DTNA: variants seen among roughly 807,000 people sequenced by gnomAD.
The protein encoded by DTNA is dystrophin-related protein 3.
Under a neutral mutation model 100.7 loss-of-function variants are expected in DTNA, and 43 were observed. The observed-to-expected ratio is 0.43, with a 90% CI of 0.33 to 0.55. The LOEUF is 0.55. DTNA is among the 20% of genes least tolerant of loss of function. The pLI, the probability that DTNA is intolerant of heterozygous loss-of-function variation, is 0.04. For synonymous variants in DTNA, 349 were observed against 347.9 expected, an observed-to-expected ratio of 1.00 and a Z score of -0.04; for missense variants, 798 against 953.9, an observed-to-expected ratio of 0.84 and a Z score of 2.15.
intron 1 of DTNA, among the ~76,000 whole-genome samples, chr18:34,553,083 GATGGT>G (rs1394741660): frequency 5.3e-5 from 8 of 150,762 alleles, no homozygotes; most frequent in Admixed American, 2.0e-4. Flanking sequence ...ACTGGTGTGA[GATGGT>G]ATCTCATTGT....
At chr18:34,764,714 A>G (rs1309460379) in intron 2 of DTNA, among the ~76,000 whole-genome samples, 1 of 152,246 alleles carries the variant, frequency 6.6e-6, no homozygotes, top group Non-Finnish European at 1.5e-5. Context: ...CTGGGAAAGC[A>G]CTTAATTGGC....
intron 17 of DTNA, chr18:34,868,006 A>C: frequency 1.0e-6 from 1 of 985,390 alleles, no homozygotes; most frequent in Non-Finnish European, 1.2e-6. Flanking sequence ...GCCTCTTTTC[A>C]AAAAGGACCT....
At chr18:34,590,572 C>T (rs2049610942) in intron 1 of DTNA, among the ~76,000 whole-genome samples, 2 of 152,144 alleles carry the variant, frequency 1.3e-5, no homozygotes, top group South Asian at 4.1e-4. Flanking sequence ...CTTGGTCACC[C>T]CTGCAAGGAG....
intron 1 of DTNA, among the ~76,000 whole-genome samples, chr18:34,643,447 C>A (rs1368184665): frequency 1.3e-5 from 2 of 152,212 alleles, no homozygotes; most frequent in Non-Finnish European, 2.9e-5. Context: ...GGCTTAAACA[C>A]AATATGACAA....
At chr18:34,521,007 G>A (rs999588250) in intron 1 of DTNA, among the ~76,000 whole-genome samples, 1 of 152,182 alleles carries the variant, frequency 6.6e-6, no homozygotes, top group Non-Finnish European at 1.5e-5. Flanking sequence ...ATCACTTATT[G>A]AGCATTCACT....
intron 9 of DTNA, among the ~76,000 whole-genome samples, chr18:34,826,696 T>A (rs2095866077): frequency 6.6e-6 from 1 of 152,160 alleles, no homozygotes; most frequent in South Asian, 2.1e-4. Flanking sequence ...CAGAAAATGC[T>A]CCACCTCATT....
At chr18:34,721,074 G>T (rs2085209786) in intron 1 of DTNA, among the ~76,000 whole-genome samples, 1 of 152,154 alleles carries the variant, frequency 6.6e-6, no homozygotes, top group African/African-American at 2.4e-5. Context: ...GGAGGTTGAT[G>T]ACACCATCAA....
At chr18:34,564,289 C>T (rs180929930) in intron 1 of DTNA, among the ~76,000 whole-genome samples, 6 of 152,068 alleles carry the variant, frequency 3.9e-5, no homozygotes, top group East Asian at 3.9e-4. Context: ...ATTACAGGCA[C>T]GCGCCACTAC....
At chr18:34,808,391 C>T (rs1384153268) in intron 5 of DTNA, among the ~76,000 whole-genome samples, 1 of 152,190 alleles carries the variant, frequency 6.6e-6, no homozygotes, top group Non-Finnish European at 1.5e-5. Context: ...CCTTACAGCT[C>T]ATCACCTAGG....
Position 34,838,848 on chromosome 18 carries a change from G to C in DTNA, c.1346+11G>C, listed in dbSNP as rs1032240298. The stretch of plus-strand genomic sequence containing the variant: ...GAACAACCCCTCATGGTTAGTGCAG[G>C]TTTGGCTGCTTGACTGTCCTTAGAG... On this transcript the variant is annotated intron_variant, in intron 13 of 22. Transcript: ENST00000444659. 1 of 1,612,468 alleles carries C rather than the reference G, an allele frequency of 6.2e-7. No individual in the cohort carries two copies. Among genetic ancestry groups the C allele is most frequent in the Admixed American group, 1.7e-5 (1 of 59,958 alleles).
chr18:34,642,779 G>A (rs941898871), intron 1 of DTNA, among the ~76,000 whole-genome samples: 4 of 152,022 alleles, frequency 2.6e-5, no homozygotes, highest in African/African-American at 4.8e-5. Flanking sequence ...GGGGGGTCTC[G>A]ATCTCTTGAC....
chr18:34,800,372 G>T (rs1446965142), intron 4 of DTNA, among the ~76,000 whole-genome samples: 1 of 152,194 alleles, frequency 6.6e-6, no homozygotes, highest in Non-Finnish European at 1.5e-5. Context: ...ATGAAGAGTA[G>T]AGACCACACC....
rs532923651 is a variant in DTNA at position 34,651,688 on chromosome 18, T to C, written c.-1-104288T>C. 3.3e-4 allele frequency among the ~76,000 whole-genome samples: 50 copies of C among 152,290 alleles called. No homozygotes were observed. The South Asian group carries it at 9.9e-3, about 30-fold the overall frequency. On this transcript the variant is annotated intron_variant, in intron 1 of 19. Transcript: ENST00000283365. ...AATTTCATTACGATGCAATGAGAAG[T>C]GCAGAATCAATGGGAGAACACAGAA...
chr18:34,577,262 T>A, intron 1 of DTNA, among the ~76,000 whole-genome samples: 1 of 152,338 alleles, frequency 6.6e-6, no homozygotes, highest in Non-Finnish European at 1.5e-5. Flanking sequence ...TCTTGAAGTT[T>A]AACATATCTA....
chr18:34,866,519 C>G, intron 17 of DTNA: 3 of 1,137,750 alleles, frequency 2.6e-6, no homozygotes, highest in Non-Finnish European at 3.3e-6. Flanking sequence ...CATGTCATCC[C>G]AAAACCCACA....
chr18:34,523,586 A>G (rs761619775), intron 1 of DTNA, among the ~76,000 whole-genome samples: 3 of 152,164 alleles, frequency 2.0e-5, no homozygotes, highest in Non-Finnish European at 2.9e-5. Flanking sequence ...TTTCACATTT[A>G]TATTTCACCT....
At chr18:34,779,442 G>A (rs1026277431) in intron 3 of DTNA, among the ~76,000 whole-genome samples, 36 of 152,182 alleles carry the variant, frequency 2.4e-4, no homozygotes, top group African/African-American at 8.2e-4. Context: ...GCACATTCTA[G>A]AGGTAGCTAT....
intron 1 of DTNA, among the ~76,000 whole-genome samples, chr18:34,665,142 T>G (rs1421698675): frequency 2.6e-5 from 4 of 152,130 alleles, no homozygotes; most frequent in African/African-American, 7.2e-5. Context: ...CTGAGCATTC[T>G]TTCCCAGAAT....
At chr18:34,861,993 G>A (rs559742793) in intron 16 of DTNA, among the ~76,000 whole-genome samples, 3 of 152,218 alleles carry the variant, frequency 2.0e-5, no homozygotes, top group African/African-American at 7.2e-5. Flanking sequence ...TTCCCAAAGT[G>A]TTTCTGTGGC....
Sources: allele counts gnomAD v4.1 joint callset (sites outside exome capture counted in the v4.1 genomes callset), GRCh38; gene constraint gnomAD v4.1.1; transcripts MANE v1.5; gene names NCBI Gene and HGNC (gene_info 2026-07-23, HGNC 2026-07-21).